PDE3A: variants seen among roughly 807,000 people sequenced by gnomAD.
PDE3A encodes the protein cGMP-inhibited 3',5'-cyclic phosphodiesterase 3A.
PDE3A carries 43 observed loss-of-function variants against 98.3 expected under a neutral mutation model. The ratio of observed to expected loss-of-function variants is 0.44; its 90% CI spans 0.34 to 0.56. PDE3A has a LOEUF of 0.56. PDE3A is among the 20% of genes least tolerant of loss of function. The probability of loss-of-function intolerance (pLI) is 0.01; values close to 1 mark genes in which losing one functional copy is unlikely to be tolerated. For missense variants in PDE3A, 1,427 were observed against 1,440.7 expected (o/e 0.99, Z 0.15); for synonymous variants, 663 against 567.9 (o/e 1.17, Z -2.38).
chr12:20,479,493 G>A (rs1372110708), intron 1 of PDE3A, among the ~76,000 whole-genome samples: 1 of 152,138 alleles, frequency 6.6e-6, no homozygotes, highest in Non-Finnish European at 1.5e-5. Context: ...CTTATCATGT[G>A]TCTTGGTTGT....
At chr12:20,506,339 T>C (rs1849912106) in intron 1 of PDE3A, among the ~76,000 whole-genome samples, 1 of 152,064 alleles carries the variant, frequency 6.6e-6, no homozygotes, top group South Asian at 2.1e-4. Flanking sequence ...ATATGCACTA[T>C]ACACACAGTA....
chr12:20,616,668 T>C (rs1944015034), intron 4 of PDE3A, among the ~76,000 whole-genome samples: 1 of 151,990 alleles, frequency 6.6e-6, no homozygotes, highest in South Asian at 2.1e-4. Context: ...AGGATAAAGG[T>C]AGGTAATTTT....
At chr12:20,381,978 C>A (rs1242557134) in intron 1 of PDE3A, among the ~76,000 whole-genome samples, 1 of 151,730 alleles carries the variant, frequency 6.6e-6, no homozygotes, top group Non-Finnish European at 1.5e-5. Context: ...GATTAATCAA[C>A]CTGCCTTAGA....
chr12:20,547,984 T>C (rs1167757054), intron 1 of PDE3A, among the ~76,000 whole-genome samples: 2 of 152,136 alleles, frequency 1.3e-5, no homozygotes, highest in South Asian at 2.1e-4. Context: ...GCAGTTTTGT[T>C]TTCCTTGGAG....
At chr12:20,542,461 A>G (rs1296131796) in intron 1 of PDE3A, among the ~76,000 whole-genome samples, 6 of 90,452 alleles carry the variant, frequency 6.6e-5, no homozygotes, top group East Asian at 3.0e-4. Context: ...ACACACACAC[A>G]CACACACACA....
intron 1 of PDE3A, among the ~76,000 whole-genome samples, chr12:20,488,453 T>G (rs1945769974): frequency 6.6e-6 from 1 of 152,182 alleles, no homozygotes; most frequent in Admixed American, 6.5e-5. Flanking sequence ...AAATTTAACT[T>G]TGTTTTGGTT....
intron 1 of PDE3A, among the ~76,000 whole-genome samples, chr12:20,556,038 CTTAATG>C (rs574328012): frequency 4.2e-4 from 64 of 152,108 alleles, no homozygotes; most frequent in African/African-American, 1.5e-3. Context: ...CCTTAATATT[CTTAATG>C]TTAAATGTTA....
At chr12:20,561,917 T>C (rs1392212798) in intron 2 of PDE3A, among the ~76,000 whole-genome samples, 1 of 152,216 alleles carries the variant, frequency 6.6e-6, no homozygotes, top group Non-Finnish European at 1.5e-5. Context: ...TCTCAGTAAT[T>C]CTCTTTCATA....
intron 10 of PDE3A, among the ~76,000 whole-genome samples, chr12:20,640,306 C>G (rs1023985728): frequency 6.6e-6 from 1 of 151,996 alleles, no homozygotes; most frequent in African/African-American, 2.4e-5. Context: ...GACATAAGTC[C>G]ACTTTAATAT....
At chr12:20,524,595 TATAAC>T (rs1452841769) in intron 1 of PDE3A, among the ~76,000 whole-genome samples, 1 of 152,080 alleles carries the variant, frequency 6.6e-6, no homozygotes. Context: ...AAAGAGCACA[TATAAC>T]ATATATAGTA....
At position 20,680,239 on chromosome 12, in the gene PDE3A, G is replaced by A. The variant is rs374913499; in HGVS notation, c.3394G>A (p.Glu1132Lys). 7.4e-5 allele frequency: 119 copies of A among 1,613,994 alleles called. No individual in the cohort carries two copies. Among genetic ancestry groups the A allele is most frequent in the Admixed American group, 1.3e-4 (8 of 60,004 alleles). The change falls in exon 16 of 16, where the codon GAG becomes AAG. Residue 1132 changes from glutamate to lysine, a missense_variant. Physicochemically the swap from Glu to Lys is moderately conservative, Grantham distance 56. This residue lies in a region of PDE3A where 142 missense variants were observed against 133.9 expected (regional missense o/e 1.06). Coordinates refer to ENST00000359062, the MANE Select transcript of PDE3A (RefSeq NM_000921.5). ...EEEEKGKPRG[E>K]EIPTQKPDQ The stretch of plus-strand genomic sequence containing the variant: ...AGAAGAGAAAGGGAAACCAAGAGGC[G>A]AGGAGATACCAACCCAAAAGCCAGA...
intron 1 of PDE3A, among the ~76,000 whole-genome samples, chr12:20,386,015 TA>T (rs1299687903): frequency 5.9e-5 from 5 of 84,062 alleles, no homozygotes; most frequent in African/African-American, 1.9e-4. Flanking sequence ...TAAATATATA[TA>T]AAATATATAT....
At chr12:20,590,736 C>T (rs1438486119) in intron 2 of PDE3A, among the ~76,000 whole-genome samples, 1 of 151,994 alleles carries the variant, frequency 6.6e-6, no homozygotes, top group African/African-American at 2.4e-5. Context: ...TATACATTCC[C>T]ACCCTAGACA....
intron 10 of PDE3A, among the ~76,000 whole-genome samples, chr12:20,643,970 C>A (rs1056432509): frequency 1.3e-5 from 2 of 152,074 alleles, no homozygotes; most frequent in Non-Finnish European, 2.9e-5. Flanking sequence ...TTCCTTACCC[C>A]AAACAGGCTC....
At chr12:20,668,869 G>A (rs377110535) in intron 15 of PDE3A, among the ~76,000 whole-genome samples, 5,056 of 149,110 alleles carry the variant, frequency 0.034, 156 homozygotes, top group African/African-American at 0.076. Flanking sequence ...GACGAGCTGA[G>A]AGAAGAAGGC....
intron 2 of PDE3A, among the ~76,000 whole-genome samples, chr12:20,576,165 G>A (rs1033898323): frequency 1.3e-5 from 2 of 151,892 alleles, no homozygotes; most frequent in East Asian, 3.9e-4. Flanking sequence ...TACTCTTTTA[G>A]TTATTTTTAA....
At chr12:20,380,134 G>C (rs1467973415) in intron 1 of PDE3A, among the ~76,000 whole-genome samples, 1 of 151,818 alleles carries the variant, frequency 6.6e-6, no homozygotes, top group African/African-American at 2.4e-5. Flanking sequence ...CTAGTAGTCT[G>C]CATTCTTGTT....
At chr12:20,436,491 T>C (rs556492186) in intron 1 of PDE3A, among the ~76,000 whole-genome samples, 5 of 152,248 alleles carry the variant, frequency 3.3e-5, no homozygotes, top group East Asian at 1.9e-4. Flanking sequence ...ACTGCTCCTA[T>C]TGGAATAACA....
chr12:20,476,251 T>C (rs984007376), intron 1 of PDE3A, among the ~76,000 whole-genome samples: 2 of 152,200 alleles, frequency 1.3e-5, no homozygotes, highest in African/African-American at 4.8e-5. Context: ...GTTATTGACC[T>C]ATAATGTCCT....
Sources: gnomAD v4.1 joint callset for allele counts (sites outside exome capture counted in the v4.1 genomes callset) on GRCh38, gnomAD v4.1.1 for gene constraint, gnomAD v4.1.1 regional missense constraint, MANE v1.5 for transcripts, NCBI Gene and HGNC (gene_info 2026-07-23, HGNC 2026-07-21) for gene names.